The following UTP6 variants were observed in gnomAD, a reference collection of about 807,000 sequenced individuals.
UTP6 encodes the protein UTP6 small subunit processome component.
Under a neutral mutation model 96.5 loss-of-function variants are expected in UTP6, and 60 were observed. That is an observed-to-expected ratio of 0.62 (90% CI 0.51 to 0.77). The LOEUF (loss-of-function observed/expected upper bound fraction) is 0.77. UTP6 is among the 30% of genes least tolerant of loss of function. The pLI is 0.00. For missense variants in UTP6, 637 were observed against 706.5 expected (o/e 0.90, Z 1.12); for synonymous variants, 215 against 240.1 (o/e 0.90, Z 0.96).
At chr17:31,873,018 A>G (rs1353705893) in intron 16 of UTP6, among the ~76,000 whole-genome samples, 1 of 152,154 alleles carries the variant, frequency 6.6e-6, no homozygotes, top group Non-Finnish European at 1.5e-5. Flanking sequence ...TGGGAGGCTG[A>G]GGTGGGCAGA....
chr17:31,873,042 G>C lies in UTP6; in HGVS notation c.1496+336C>G, dbSNP rs191417056. On this transcript the variant is annotated intron_variant, in intron 16 of 18. Coordinates refer to ENST00000261708, the MANE Select transcript of UTP6 (RefSeq NM_018428.3). ...GAGGTGGGCAGATCACCTGAGGTTA[G>C]GAGTTTGAGACCAGCCTGGCCAACA... The C allele has an allele frequency of 8.3e-4, 193 of 231,446 alleles. 1 individual carries two copies. The highest frequency in any genetic ancestry group is 4.1e-3 in the African/African-American group (174 of 42,724). The allele number at this position is 231,446 out of a possible 1,614,324, so 14.3% of individuals were successfully genotyped here. A position where few individuals can be genotyped will look rare whatever the true frequency, so the allele number is the denominator to read the frequency against.
Position 31,863,455 on chromosome 17 carries a change from A to C in UTP6, c.1698T>G (p.Cys566Trp), listed in dbSNP as rs753780409. The C allele has an allele frequency of 1.2e-6, 2 of 1,613,988 alleles. No individual in the cohort carries two copies. The highest frequency in any genetic ancestry group is 1.7e-6 in the Non-Finnish European group (2 of 1,180,028). ...TCATCGCTCGCCAGTAGATCTGTCC[A>C]CAGTTCTCAGGTCTACCAAGGGGGT... Reference protein sequence around the residue: ...LNHPLGRPENCGQIYWRAMKM... With the variant: ...LNHPLGRPENWGQIYWRAMKM... The change falls in exon 19 of 19, where the codon TGT becomes TGG. Residue 566 changes from cysteine (C) to tryptophan (W), a missense_variant. Cys to Trp is a radical substitution (Grantham distance 215, BLOSUM62 -2). Transcript: ENST00000261708.
At chr17:31,872,938 CA>C (rs978941823) in intron 16 of UTP6, among the ~76,000 whole-genome samples, 2 of 145,456 alleles carry the variant, frequency 1.4e-5, no homozygotes, top group East Asian at 2.0e-4. Flanking sequence ...AAAAAAAAAA[CA>C]AAAAAAAAGG....
At chr17:31,863,696 G>T (rs996253688) in intron 18 of UTP6, among the ~76,000 whole-genome samples, 180 bp from the exon 19 acceptor site, 1 of 151,950 alleles carries the variant, frequency 6.6e-6, no homozygotes, top group Non-Finnish European at 1.5e-5. Flanking sequence ...GTTTTGGTTT[G>T]TTTTTGTGTG....
At chr17:31,882,586 G>A (rs572284146) in intron 10 of UTP6, among the ~76,000 whole-genome samples, 5 of 152,260 alleles carry the variant, frequency 3.3e-5, no homozygotes, top group Admixed American at 6.5e-5. Context: ...CTCCCGAAGT[G>A]CTGAGATTAC....
intron 16 of UTP6, among the ~76,000 whole-genome samples, chr17:31,868,789 C>A (rs74744301): frequency 0.024 from 3,667 of 152,190 alleles, 67 homozygotes; most frequent in Middle Eastern, 0.051. Flanking sequence ...AAATATTCAT[C>A]AAAACAGTAT....
At chr17:31,890,365 C>T (rs1598114639) in intron 6 of UTP6, among the ~76,000 whole-genome samples, 1 of 151,868 alleles carries the variant, frequency 6.6e-6, no homozygotes, top group South Asian at 2.1e-4. Flanking sequence ...CCTGTAGTTC[C>T]AGCACTTTGG....
At position 31,876,030 on chromosome 17, in the gene UTP6, GTTTTTC is replaced by G. The variant is rs1910483100; in HGVS notation, c.1126-623_1126-618del. ...TTTAGACTGTAAGTTAGGTTTTTTT[GTTTTTC>G]TTTTTCTTTTTTTTGGAGACAGAGT... On this transcript the variant is annotated intron_variant, in intron 13 of 18. Transcript: ENST00000261708. Among the ~76,000 whole-genome samples the G allele has an allele frequency of 2.0e-5, 3 of 151,642 alleles. No homozygotes were observed. In the South Asian group the frequency reaches 6.3e-4, roughly 32 times the overall value.
chr17:31,865,367 A>G lies in UTP6; in HGVS notation c.1635T>C (p.Ser545=), dbSNP rs1909755165. 6.2e-7 allele frequency: 1 copy of G among 1,613,900 alleles called. No homozygotes were observed. Among genetic ancestry groups the G allele is most frequent in the African/African-American group, 1.3e-5 (1 of 74,950 alleles). The change falls in exon 18 of 19, where the codon TCT becomes TCC. Residue 545 remains serine (S), a splice_region_variant and synonymous_variant. Transcript: ENST00000261708. Reference sequence around the variant, plus strand: ...GTCACAAATTAAGGGTTTACTTACCAGAATCTGCGGATCCAAACTCTCTCA... The same window carrying G: ...GTCACAAATTAAGGGTTTACTTACCGGAATCTGCGGATCCAAACTCTCTCA... ...RALREFGSAD[S]DLWMDYMKEE...
intron 17 of UTP6, among the ~76,000 whole-genome samples, chr17:31,867,273 T>C (rs918354811): frequency 6.6e-6 from 1 of 152,094 alleles, no homozygotes; most frequent in African/African-American, 2.4e-5. Context: ...TTTGGGAGGC[T>C]GAGGGGGGCG....
intron 16 of UTP6, among the ~76,000 whole-genome samples, chr17:31,870,162 T>C (rs1910070198): frequency 6.6e-6 from 1 of 152,174 alleles, no homozygotes; most frequent in African/African-American, 2.4e-5. Flanking sequence ...TTTGGTAGAA[T>C]TATTTGTTTT....
intron 18 of UTP6, among the ~76,000 whole-genome samples, chr17:31,864,364 G>A (rs1193897311): frequency 6.6e-6 from 1 of 152,178 alleles, no homozygotes; most frequent in Non-Finnish European, 1.5e-5. Context: ...TCCAGCCTGG[G>A]TGACAGAGTG....
chr17:31,870,237 C>A (rs1598095757), intron 16 of UTP6, among the ~76,000 whole-genome samples: 1 of 152,016 alleles, frequency 6.6e-6, no homozygotes, highest in East Asian at 1.9e-4. Flanking sequence ...TAAGTTCTTC[C>A]AGAAATCTCC....
Position 31,875,399 on chromosome 17 carries a change from C to T in UTP6, c.1140G>A (p.Leu380=). 1 of 1,614,002 alleles carries T rather than the reference C, an allele frequency of 6.2e-7. No homozygotes were observed. Among genetic ancestry groups the T allele is most frequent in the East Asian group, 2.2e-5 (1 of 44,882 alleles). ...GAGCTTCCCTCAGGAAGTTATAACACAGCAACGAAACACTCTAGACAAGAT... is the reference window on the plus strand; with the variant it reads ...GAGCTTCCCTCAGGAAGTTATAACATAGCAACGAAACACTCTAGACAAGAT... ...CQYKQLSVSL[L]CYNFLREALE... The change falls in exon 14 of 19, where the codon CTG becomes CTA. Residue 380 remains leucine, a synonymous_variant. Coordinates refer to ENST00000261708, the MANE Select transcript of UTP6 (RefSeq NM_018428.3).
chr17:31,878,133 C>T lies in UTP6; in HGVS notation c.1125+117G>A, dbSNP rs184525928. 47 of 951,700 alleles carry T rather than the reference C, an allele frequency of 4.9e-5. No homozygotes were observed. In the Middle Eastern group the frequency reaches 8.3e-4, roughly 17 times the overall value. 59.0% of individuals were successfully genotyped at this position (951,700 alleles called of 1,614,324 possible). On this transcript the variant is annotated intron_variant, in intron 13 of 18. Coordinates refer to ENST00000261708, the MANE Select transcript of UTP6 (RefSeq NM_018428.3). ...ACACATATAAACACACTTCACATACCGAACTCCCAAGTGGCCTTCATCTTA... is the reference window on the plus strand; with the variant it reads ...ACACATATAAACACACTTCACATACTGAACTCCCAAGTGGCCTTCATCTTA...
rs192931430 is a variant in UTP6 at position 31,875,164 on chromosome 17, C to A, written c.1305+70G>T. 7 of 1,570,070 alleles carry A rather than the reference C, an allele frequency of 4.5e-6. No homozygotes were observed. In the African/African-American group the frequency reaches 6.8e-5, roughly 15 times the overall value. On this transcript the variant is annotated intron_variant, in intron 14 of 18. Coordinates refer to ENST00000261708, the MANE Select transcript of UTP6 (RefSeq NM_018428.3). ...TTGGCTCTCAATAGACAAGTACATT[C>A]CAAATGAGCCTTGGCTAGTCTTAAA...
At position 31,870,987 on chromosome 17, in the gene UTP6, GTTT is replaced by G. The variant is rs58931819; in HGVS notation, c.1496+2388_1496+2390del. Among the ~76,000 whole-genome samples, 235 of 111,082 alleles carry G rather than the reference GTTT, an allele frequency of 2.1e-3. 1 individual carries two copies. Among genetic ancestry groups the G allele is most frequent in the South Asian group, 9.7e-3 (32 of 3,288 alleles). The allele number at this position is 111,082 out of a possible 152,430, so 72.9% of individuals were successfully genotyped here. A position where few individuals can be genotyped will look rare whatever the true frequency, so the allele number is the denominator to read the frequency against. On this transcript the variant is annotated intron_variant, in intron 16 of 18. Coordinates refer to ENST00000261708, the MANE Select transcript of UTP6 (RefSeq NM_018428.3). ...CATGCCATGACACCCAACTTTTTAA[GTTT>G]TTTTTTTTTTTTTTTTTGAGATGGA...
rs142453211 is a variant in UTP6 at position 31,863,521 on chromosome 17, T to TA, written c.1637-6dup. The TA allele has an allele frequency of 5.7e-3, 8,363 of 1,455,964 alleles. 20 individuals carry two copies. The highest frequency in any genetic ancestry group is 0.03 in the African/African-American group (2,122 of 69,594). 90.2% of individuals were successfully genotyped at this position (1,455,964 alleles called of 1,614,324 possible). Reference sequence around the variant, plus strand: ...TCATATAATCCATCCAAAGATCTTTTAAAAAAAAAACATACAATTAGATAA... The same window carrying TA: ...TCATATAATCCATCCAAAGATCTTTTAAAAAAAAAAACATACAATTAGATAA... On this transcript the variant is annotated splice_region_variant and splice_polypyrimidine_tract_variant and intron_variant, in intron 18 of 18. Transcript: ENST00000261708.
At position 31,862,503 on chromosome 17, in the gene UTP6, A is replaced by G. The variant is rs1909592690; in HGVS notation, c.*856T>C. 6.6e-6 allele frequency: 1 copy of G among 151,894 alleles called. No homozygotes were observed. The highest frequency in any genetic ancestry group is 2.1e-4 in the South Asian group (1 of 4,822). 9.4% of individuals were successfully genotyped at this position (151,894 alleles called of 1,614,324 possible). ...TACCACACTATTCTATTTCCTCCAT[A>G]TTTTCCAGAACAAATGCATACCACG... On this transcript the variant is annotated 3_prime_UTR_variant, in exon 19 of 19. Transcript: ENST00000261708.
Sources: allele counts gnomAD v4.1 joint callset (sites outside exome capture counted in the v4.1 genomes callset), GRCh38; gene constraint gnomAD v4.1.1; transcripts MANE v1.5; gene names NCBI Gene and HGNC (gene_info 2026-07-23, HGNC 2026-07-21).